SUMF1: variants seen among roughly 807,000 people sequenced by gnomAD.
SUMF1 encodes formylglycine-generating enzyme.
SUMF1 carries 48 observed loss-of-function variants against 47.6 expected under a neutral mutation model. The ratio of observed to expected loss-of-function variants is 1.01; its 90% CI spans 0.80 to 1.28. SUMF1 has a LOEUF of 1.28. Ranked by LOEUF, SUMF1 falls within the 50% of genes most tolerant of loss-of-function variation. SUMF1 has a pLI of 0.00. For missense variants in SUMF1, 571 were observed against 485.4 expected (o/e 1.18, Z -1.66); for synonymous variants, 230 against 192.1 (o/e 1.20, Z -1.63).
chr3:4,279,057 G>T (rs1697477518), intron 8 of SUMF1, among the ~76,000 whole-genome samples: 1 of 152,134 alleles, frequency 6.6e-6, no homozygotes, highest in East Asian at 1.9e-4. Flanking sequence ...ACAAAGGATT[G>T]GAAAATTTTT....
chr3:4,225,033 C>G (rs538671966), intron 8 of SUMF1, among the ~76,000 whole-genome samples: 2 of 152,198 alleles, frequency 1.3e-5, no homozygotes, highest in Admixed American at 1.3e-4. Context: ...CTCACAATGT[C>G]AAACTTTAGC....
chr3:4,456,915 C>CGT lies in SUMF1; in HGVS notation c.271-3868_271-3867dup, dbSNP rs1199326928. On this transcript the variant is annotated intron_variant, in intron 1 of 8. Coordinates refer to ENST00000272902, the MANE Select transcript of SUMF1 (RefSeq NM_182760.4). ...ATATATGTGTGTGTATATCTATATA[C>CGT]GTGTGTGTGTATATATATACGTGTG... Among the ~76,000 whole-genome samples, 2 of 42,710 alleles carry CGT rather than the reference C, an allele frequency of 4.7e-5. 1 individual carries two copies. The highest frequency in any genetic ancestry group is 1.1e-3 in the East Asian group (2 of 1,868). The allele number at this position is 42,710 out of a possible 152,430, so 28.0% of individuals were successfully genotyped here.
chr3:4,082,709 C>T (rs1388096080), intron 8 of SUMF1, among the ~76,000 whole-genome samples: 2 of 151,944 alleles, frequency 1.3e-5, no homozygotes, highest in Non-Finnish European at 2.9e-5. Flanking sequence ...AATATTACCT[C>T]TATGAACTAT....
At chr3:4,289,350 T>C (rs778418029) in intron 8 of SUMF1, among the ~76,000 whole-genome samples, 25 of 152,182 alleles carry the variant, frequency 1.6e-4, no homozygotes, top group Admixed American at 5.2e-4. Context: ...GACAATCCTA[T>C]GAGACTGGCA....
At chr3:4,371,596 A>T (rs1172177554) in intron 8 of SUMF1, among the ~76,000 whole-genome samples, 1 of 152,182 alleles carries the variant, frequency 6.6e-6, no homozygotes, top group African/African-American at 2.4e-5. Context: ...TTTGCTCTTC[A>T]TCTTGGTAGG....
rs10662776 is a variant in SUMF1, at chr3:4,296,306, TAA to T, written c.1014+80022_1014+80023del. 2.2e-4 allele frequency among the ~76,000 whole-genome samples: 31 copies of T among 143,598 alleles called. 2 individuals are homozygous for T. The highest frequency in any genetic ancestry group is 7.4e-4 in the African/African-American group (29 of 39,424). 94.2% of individuals were successfully genotyped at this position (143,598 alleles called of 152,430 possible). A position where few individuals can be genotyped will look rare whatever the true frequency, so the allele number is the denominator to read the frequency against. On this transcript the variant is annotated intron_variant and NMD_transcript_variant, in intron 8 of 12. Transcript: ENST00000448413. ...AGACACATCAGAAAGGCAAAATAGT[TAA>T]AAAAAAAAAAAAGCTTACCCATCTT...
At chr3:4,313,562 A>G in intron 8 of SUMF1, 1 of 1,614,090 alleles carries the variant, frequency 6.2e-7, no homozygotes. Context: ...GTCAGTGAAG[A>G]CAAAGAAAGG....
At chr3:4,198,974 AT>A (rs1695487344) in intron 8 of SUMF1, among the ~76,000 whole-genome samples, 1 of 152,242 alleles carries the variant, frequency 6.6e-6, no homozygotes, top group South Asian at 2.1e-4. Flanking sequence ...CTCTTCCACT[AT>A]TTTTTCTCAT....
chr3:4,410,534 A>G (rs768498385), intron 7 of SUMF1, among the ~76,000 whole-genome samples: 2 of 152,240 alleles, frequency 1.3e-5, no homozygotes, highest in Non-Finnish European at 2.9e-5. Flanking sequence ...AGTTCATAAT[A>G]AAACAGTAAT....
At chr3:4,330,798 T>C (rs1699034236) in intron 8 of SUMF1, among the ~76,000 whole-genome samples, 1 of 152,230 alleles carries the variant, frequency 6.6e-6, no homozygotes, top group Non-Finnish European at 1.5e-5. Flanking sequence ...CATTAGTGTA[T>C]TACTAATGCT....
chr3:4,453,945 G>A (rs879788498), intron 1 of SUMF1, among the ~76,000 whole-genome samples: 16 of 152,172 alleles, frequency 1.1e-4, no homozygotes, highest in East Asian at 3.9e-4. Context: ...CTGGGATTAT[G>A]AGCCATTGTG....
At chr3:4,387,494 G>A (rs927577156) in intron 7 of SUMF1, among the ~76,000 whole-genome samples, 5 of 151,862 alleles carry the variant, frequency 3.3e-5, no homozygotes, top group African/African-American at 1.2e-4. Context: ...TGCTTTGTCA[G>A]ACTTGCTAGA....
chr3:4,196,863 A>C (rs1361877989), intron 8 of SUMF1, among the ~76,000 whole-genome samples: 2 of 152,152 alleles, frequency 1.3e-5, no homozygotes, highest in Admixed American at 6.5e-5. Context: ...GTGTTGCAAT[A>C]AATCAATAAA....
intron 8 of SUMF1, among the ~76,000 whole-genome samples, chr3:4,348,232 C>T (rs779765879): frequency 5.3e-5 from 8 of 152,042 alleles, no homozygotes; most frequent in Non-Finnish European, 7.4e-5. Flanking sequence ...CAATTCTGAG[C>T]GAAAAGAACA....
chr3:4,050,263 A>G (rs1695082328), intron 9 of SUMF1, among the ~76,000 whole-genome samples: 1 of 151,902 alleles, frequency 6.6e-6, no homozygotes, highest in Non-Finnish European at 1.5e-5. Flanking sequence ...TGTCCGTTCT[A>G]AATGATCCAT....
chr3:4,330,860 A>C (rs1418419536), intron 8 of SUMF1, among the ~76,000 whole-genome samples: 1 of 152,226 alleles, frequency 6.6e-6, no homozygotes, highest in Non-Finnish European at 1.5e-5. Context: ...AATCTCAATC[A>C]GTTTGATCAC....
At chr3:4,360,205 CTTTTT>C (rs57690047), downstream of SUMF1, among the ~76,000 whole-genome samples, 4 of 104,126 alleles carry the variant, frequency 3.8e-5, no homozygotes, top group Admixed American at 1.0e-4. Context: ...AATGTTTGTT[CTTTTT>C]TTTTTTTTTT....
At chr3:4,335,164 A>T (rs1211493808) in intron 8 of SUMF1, among the ~76,000 whole-genome samples, 3 of 152,138 alleles carry the variant, frequency 2.0e-5, no homozygotes, top group Admixed American at 6.5e-5. Context: ...AAACAGAAAA[A>T]AGTGATCTCT....
intron 1 of SUMF1, among the ~76,000 whole-genome samples, chr3:4,454,587 GA>G (rs1421652351): frequency 9.9e-5 from 15 of 152,100 alleles, no homozygotes; most frequent in African/African-American, 3.6e-4. Context: ...ATATACCCAA[GA>G]GAAATAAAAA....
Sources: allele counts gnomAD v4.1 joint callset (sites outside exome capture counted in the v4.1 genomes callset), GRCh38; gene constraint gnomAD v4.1.1; transcripts MANE v1.5; gene names NCBI Gene and HGNC (gene_info 2026-07-23, HGNC 2026-07-21).